The following MPV17 variants were observed in gnomAD, a reference collection of about 807,000 sequenced individuals.
The protein encoded by MPV17 is MPV17, mitochondrial inner membrane protein.
A neutral mutation model predicts 28.6 loss-of-function variants in MPV17; 31 were observed. That is an observed-to-expected ratio of 1.08 (90% CI 0.81 to 1.46). The LOEUF (loss-of-function observed/expected upper bound fraction) is 1.46. Among genes scored for constraint, MPV17 ranks in the 40% most tolerant of loss-of-function variants. The pLI is 0.00. For synonymous variants in MPV17, 87 were observed against 85.3 expected (o/e 1.02, Z -0.11); for missense variants, 198 against 216.2 (o/e 0.92, Z 0.53).
rs116268609 is a variant in MPV17, at chr2:27,322,557, C to A, written c.-5-35G>T. 2,589 of 1,573,058 alleles carry A rather than the reference C, an allele frequency of 1.6e-3. 50 individuals are homozygous for A. The African/African-American group carries it at 0.031, about 19-fold the overall frequency. ...CAAGAGGAGAGGGGGTCACCCCCAC[C>A]GTCCCTCTCCACGACTAAGAAGCCG... On this transcript the variant is annotated intron_variant, in intron 1 of 7. Coordinates refer to ENST00000380044, the MANE Select transcript of MPV17 (RefSeq NM_002437.5).
At position 27,312,595 on chromosome 2, in the gene MPV17, G is replaced by T; in HGVS notation, c.280-6C>A. ...AAACACGGGGCAAAGCCCCCCTAGG[G>T]AAGAGAAATTAAAGTCCTATGAGTG... On this transcript the variant is annotated splice_polypyrimidine_tract_variant and splice_region_variant and intron_variant, in intron 4 of 7. Transcript: ENST00000380044. 6.8e-6 allele frequency: 11 copies of T among 1,614,094 alleles called. No individual in the cohort carries two copies. The highest frequency in any genetic ancestry group is 9.3e-6 in the Non-Finnish European group (11 of 1,179,950).
chr2:27,316,244 A>C, intron 2 of MPV17: 1 of 1,541,412 alleles, frequency 6.5e-7, no homozygotes, highest in Non-Finnish European at 8.8e-7. Flanking sequence ...CAACAGTCAC[A>C]CAACAAGCTA....
chr2:27,315,983 G>A, intron 2 of MPV17: 1 of 1,514,478 alleles, frequency 6.6e-7, no homozygotes. Flanking sequence ...CCTGGCATGG[G>A]CTGAGATGGG....
chr2:27,321,162 G>A (rs1347061244), intron 2 of MPV17, among the ~76,000 whole-genome samples: 1 of 152,230 alleles, frequency 6.6e-6, no homozygotes, highest in Non-Finnish European at 1.5e-5. Context: ...ATGACCACAA[G>A]GGGGAATCTT....
rs1228467347 is a variant in MPV17, at chr2:27,312,660, C to A, written c.279+20G>T. On this transcript the variant is annotated intron_variant, in intron 4 of 7. Transcript: ENST00000380044. Reference sequence around the variant, plus strand: ...TACCCCCAACACAGCTCACCCTCCCCACTCTGTTCTCCTGCTCACCTGATC... The same window carrying A: ...TACCCCCAACACAGCTCACCCTCCCAACTCTGTTCTCCTGCTCACCTGATC... 1.9e-6 allele frequency: 3 copies of A among 1,613,798 alleles called. No individual in the cohort carries two copies. Among genetic ancestry groups the A allele is most frequent in the Non-Finnish European group, 2.5e-6 (3 of 1,179,738 alleles).
chr2:27,315,200 T>A lies in MPV17; in HGVS notation c.71-2091A>T, dbSNP rs1328659933. On this transcript the variant is annotated intron_variant, in intron 2 of 7. Transcript: ENST00000380044. ...AATAAAGGGAAAACGTCAAATGTAC[T>A]GTCCCAAACAGCAGGACGACTCTGA... 2.0e-5 allele frequency among the ~76,000 whole-genome samples: 3 copies of A among 152,362 alleles called. No individual in the cohort carries two copies. In the East Asian group the frequency reaches 5.8e-4, roughly 29 times the overall value.
Position 27,309,723 on chromosome 2 carries a change from A to G in MPV17, c.*189T>C. On this transcript the variant is annotated 3_prime_UTR_variant, in exon 8 of 8. Transcript: ENST00000380044. ...AGTATGTGGTGGGAATAAGACTATT[A>G]TCAAGGGCTCTAAAGCAGTCAGTGT... 1.5e-6 allele frequency: 1 copy of G among 666,332 alleles called. No homozygotes were observed. The highest frequency in any genetic ancestry group is 2.7e-5 in the East Asian group (1 of 36,906). The allele number at this position is 666,332 out of a possible 1,614,324, so 41.3% of individuals were successfully genotyped here. A position where few individuals can be genotyped will look rare whatever the true frequency, so the allele number is the denominator to read the frequency against.
intron 2 of MPV17, among the ~76,000 whole-genome samples, chr2:27,320,833 C>A (rs1464182005): frequency 6.6e-6 from 1 of 152,196 alleles, no homozygotes; most frequent in Non-Finnish European, 1.5e-5. Flanking sequence ...AAAAATGGCT[C>A]AGTGAACTAA....
intron 2 of MPV17, chr2:27,315,721 C>G (rs1679624393): frequency 4.9e-6 from 1 of 205,888 alleles, no homozygotes; most frequent in Non-Finnish European, 9.0e-6. Context: ...ACCACCACAC[C>G]TGGCTGATTT....
chr2:27,322,513 G>A lies in MPV17; in HGVS notation c.5C>T (p.Ala2Val). ...GGCCCGCTGGTATGCCCGCCAGAGTGCCATGCTTCCTGTCAAGCCAAGAGG... is the reference window on the plus strand; with the variant it reads ...GGCCCGCTGGTATGCCCGCCAGAGTACCATGCTTCCTGTCAAGCCAAGAGG... M[A>V]LWRAYQRALA... Residue 2 changes from alanine to valine, a missense_variant, in exon 2 of 8, where the codon GCA becomes GTA. By Grantham distance (64) the Ala-to-Val change is moderately conservative. Transcript: ENST00000380044. 2 of 1,613,904 alleles carry A rather than the reference G, an allele frequency of 1.2e-6. No individual in the cohort carries two copies. The highest frequency in any genetic ancestry group is 1.7e-6 in the Non-Finnish European group (2 of 1,180,002).
rs542401106 is a variant in MPV17 at position 27,309,895 on chromosome 2, G to A, written c.*17C>T. The A allele has an allele frequency of 1.9e-6, 3 of 1,607,966 alleles. No homozygotes were observed. The highest frequency in any genetic ancestry group is 3.3e-5 in the Admixed American group (2 of 59,994). ...AGCTGCATCACTGCAAGGTGGAAAC[G>A]ATGGAGTGAGGCAGGCTTAGAGCCG... On this transcript the variant is annotated 3_prime_UTR_variant, in exon 8 of 8. Transcript: ENST00000380044.
intron 2 of MPV17, among the ~76,000 whole-genome samples, chr2:27,314,489 T>C (rs979150680): frequency 3.3e-5 from 5 of 152,128 alleles, no homozygotes; most frequent in Non-Finnish European, 7.3e-5. Flanking sequence ...GAGTTGGCAA[T>C]GGATATAGTG....
At position 27,322,612 on chromosome 2, in the gene MPV17, C is replaced by T. The variant is rs144820829; in HGVS notation, c.-5-90G>A. Reference sequence around the variant, plus strand: ...ACATTCCCTTGTGCCCACTCCCTTCCCCTTCCCACTTCCAATGTGACTTAA... The same window carrying T: ...ACATTCCCTTGTGCCCACTCCCTTCTCCTTCCCACTTCCAATGTGACTTAA... On this transcript the variant is annotated intron_variant, in intron 1 of 7. Coordinates refer to ENST00000380044, the MANE Select transcript of MPV17 (RefSeq NM_002437.5). The T allele has an allele frequency of 9.0e-5, 93 of 1,030,506 alleles. 1 individual carries two copies. The East Asian group carries it at 2.1e-3, about 24-fold the overall frequency. The allele number at this position is 1,030,506 out of a possible 1,614,324, so 63.8% of individuals were successfully genotyped here.
At position 27,316,204 on chromosome 2, in the gene MPV17, A is replaced by C. The variant is rs1288150238; in HGVS notation, c.71-3095T>G. 3 of 1,550,936 alleles carry C rather than the reference A, an allele frequency of 1.9e-6. No homozygotes were observed. In the African/African-American group the frequency reaches 4.1e-5, roughly 21 times the overall value. On this transcript the variant is annotated intron_variant, in intron 2 of 7. Coordinates refer to ENST00000380044, the MANE Select transcript of MPV17 (RefSeq NM_002437.5). ...CAATATTCCTGGGAAAGAAACAGAG[A>C]AGTGTGTGTTTTCACTCTTCATGAC...
At chr2:27,310,501 C>G (rs1457744477) in intron 7 of MPV17, among the ~76,000 whole-genome samples, 1 of 152,198 alleles carries the variant, frequency 6.6e-6, no homozygotes, top group East Asian at 1.9e-4. Context: ...GCCTCAAAGG[C>G]TAAATATTCA....
At position 27,311,913 on chromosome 2, in the gene MPV17, G is replaced by T. The variant is rs769048578; in HGVS notation, c.447C>A (p.Val149=). The T allele has an allele frequency of 1.9e-6, 3 of 1,613,746 alleles. No individual in the cohort carries two copies. The highest frequency in any genetic ancestry group is 2.5e-6 in the Non-Finnish European group (3 of 1,179,978). ...GTGCAACATACCTGTAATGAAGGGG[G>T]ACCAGGTAGAAGTTGGCTAACTGCA... The part of the protein sequence containing the change: ...PAVQLANFYL[V]PLHYRLAVVQ... The change falls in exon 7 of 8, where the codon GTC becomes GTA. Residue 149 remains valine, a synonymous_variant. Transcript: ENST00000380044.
chr2:27,312,503 T>C lies in MPV17; in HGVS notation c.366A>G (p.Lys122=). 3 of 1,614,074 alleles carry C rather than the reference T, an allele frequency of 1.9e-6. No homozygotes were observed. The highest frequency in any genetic ancestry group is 2.5e-6 in the Non-Finnish European group (3 of 1,179,922). ...CACCTGCCCAGCTCACCCGCTGTAG[T>C]TTGGCCCAGTTGTCCTGGGCTGACA... ...NGLSAQDNWA[K]LQRDYPDALI... Residue 122 remains lysine (K), a synonymous_variant, in exon 5 of 8, where the codon AAA becomes AAG. Transcript: ENST00000380044.
chr2:27,320,019 C>T (rs150308804), intron 2 of MPV17, among the ~76,000 whole-genome samples: 101 of 148,746 alleles, frequency 6.8e-4, no homozygotes, highest in African/African-American at 2.3e-3. Flanking sequence ...GGGTGAATCA[C>T]GAGGTCAAGT....
chr2:27,310,800 G>A (rs1414502070), intron 7 of MPV17, among the ~76,000 whole-genome samples: 1 of 151,840 alleles, frequency 6.6e-6, no homozygotes, highest in Non-Finnish European at 1.5e-5. Flanking sequence ...GCTGGAGTGC[G>A]GTGGCAAGAT....
Sources: allele counts gnomAD v4.1 joint callset (sites outside exome capture counted in the v4.1 genomes callset), GRCh38; gene constraint gnomAD v4.1.1; transcripts MANE v1.5; gene names NCBI Gene and HGNC (gene_info 2026-07-23, HGNC 2026-07-21).